The following NOL11 variants were observed in gnomAD, a reference collection of about 807,000 sequenced individuals.
NOL11 encodes the protein nucleolar protein 11.
Under a neutral mutation model 93.0 loss-of-function variants are expected in NOL11, and 42 were observed. The observed-to-expected ratio is 0.45, with a 90% CI of 0.35 to 0.58. The LOEUF is 0.58. Among genes scored for constraint, NOL11 ranks in the 20% least tolerant of loss-of-function variants. The pLI is 0.00. For missense variants in NOL11, 775 were observed against 841.8 expected, an observed-to-expected ratio of 0.92 and a Z score of 0.98; for synonymous variants, 296 against 293.7, an observed-to-expected ratio of 1.01 and a Z score of -0.08.
At chr17:67,742,969 C>T (rs1336166715) in intron 16 of NOL11, among the ~76,000 whole-genome samples, 4 of 152,140 alleles carry the variant, frequency 2.6e-5, no homozygotes, top group Non-Finnish European at 4.4e-5. Flanking sequence ...ACTACTGGCG[C>T]GGTGTCTCAA....
At chr17:67,737,027 C>T in intron 10 of NOL11, 44 bp from the exon 11 acceptor site, 1 of 1,228,394 alleles carries the variant, frequency 8.1e-7, no homozygotes, top group Non-Finnish European at 1.2e-6. Context: ...TGTATTGGAT[C>T]TCTTATATTG....
At chr17:67,735,021 T>C (rs2055188487) in intron 8 of NOL11, among the ~76,000 whole-genome samples, 1 of 152,212 alleles carries the variant, frequency 6.6e-6, no homozygotes, top group African/African-American at 2.4e-5. Context: ...TTTTGAACTA[T>C]ACCCTCAAGC....
At chr17:67,736,991 T>A in intron 10 of NOL11, 80 bp from the exon 11 acceptor site, 1 of 946,492 alleles carries the variant, frequency 1.1e-6, no homozygotes, top group East Asian at 2.4e-5. Flanking sequence ...CTAATCTCTT[T>A]GGAGTGTTTC....
At chr17:67,732,491 C>CAA (rs201009697) in intron 7 of NOL11, among the ~76,000 whole-genome samples, 20 of 71,492 alleles carry the variant, frequency 2.8e-4, no homozygotes, top group South Asian at 1.9e-3. Context: ...GACTCCGTCT[C>CAA]AAAAAAAAAA....
In NOL11 at chr17:67,744,133, A is replaced by T. The variant is rs2055280438; in HGVS notation, c.*274A>T. ...TTTAAGTAAAATTATTTGTGTATTG[A>T]TAAAAGTCTAATTTCTTATCATGTG... On this transcript the variant is annotated 3_prime_UTR_variant, in exon 18 of 18. Coordinates refer to ENST00000253247, the MANE Select transcript of NOL11 (RefSeq NM_015462.5). 5.4e-6 allele frequency: 1 copy of T among 183,670 alleles called. No individual in the cohort carries two copies. Among genetic ancestry groups the T allele is most frequent in the Non-Finnish European group, 1.1e-5 (1 of 89,278 alleles). 11.4% of individuals were successfully genotyped at this position (183,670 alleles called of 1,614,324 possible).
intron 14 of NOL11, 49 bp downstream of exon 14, chr17:67,738,404 T>G (rs776505754): frequency 1.7e-6 from 2 of 1,183,282 alleles, no homozygotes; most frequent in Non-Finnish European, 2.4e-6. Flanking sequence ...TAGGATATAG[T>G]TATATGCCAA....
chr17:67,720,925 C>A lies in NOL11; in HGVS notation c.313-453C>A, dbSNP rs557403751. On this transcript the variant is annotated intron_variant, in intron 3 of 17. Coordinates refer to ENST00000253247, the MANE Select transcript of NOL11 (RefSeq NM_015462.5). ...TTTACCTTGAAATTCATAACACAATCCTGAATTTTAAACAGTGGGGGTTTT... is the reference window on the plus strand; with the variant it reads ...TTTACCTTGAAATTCATAACACAATACTGAATTTTAAACAGTGGGGGTTTT... Among the ~76,000 whole-genome samples the A allele has an allele frequency of 3.9e-5, 6 of 152,306 alleles. No individual in the cohort carries two copies. The East Asian group carries it at 1.2e-3, about 29-fold the overall frequency.
intron 10 of NOL11, 107 bp from the exon 11 acceptor site, chr17:67,736,964 A>G: frequency 1.2e-6 from 1 of 806,684 alleles, no homozygotes; most frequent in Admixed American, 2.5e-5. Flanking sequence ...AAAGTTTTTG[A>G]TGAGAGCAAA....
chr17:67,743,508 T>C lies in NOL11; in HGVS notation c.1965T>C (p.Asp655=), dbSNP rs1188030497. 6.3e-7 allele frequency: 1 copy of C among 1,583,998 alleles called. No individual in the cohort carries two copies. Among genetic ancestry groups the C allele is most frequent in the Non-Finnish European group, 8.7e-7 (1 of 1,155,800 alleles). The change falls in exon 17 of 18, where the codon GAT becomes GAC. Residue 655 remains aspartate, a synonymous_variant. Coordinates refer to ENST00000253247, the MANE Select transcript of NOL11 (RefSeq NM_015462.5). ...QIMDWICLLL[D]ANFTVVVMMP... ...TGGATTGGATATGTCTACTTCTGGA[T>C]GCAAATTTTACTGTTGTTGTAATGA...
chr17:67,743,776 G>T lies in NOL11; in HGVS notation c.2077G>T (p.Val693Leu). ...SVYSELNKIE[V>L]SFRELQKLNQ... The stretch of plus-strand genomic sequence containing the variant: ...TTATTCTGAGCTCAACAAGATTGAA[G>T]TAAGTTTTCGGGAGCTACAGAAATT... Residue 693 changes from valine to leucine, a missense_variant, in exon 18 of 18, where the codon GTA becomes TTA. This residue lies in a region of NOL11 where 416 missense variants were observed against 525.2 expected (regional missense o/e 0.79). Coordinates refer to ENST00000253247, the MANE Select transcript of NOL11 (RefSeq NM_015462.5). The T allele has an allele frequency of 6.5e-7, 1 of 1,544,630 alleles. No homozygotes were observed. The highest frequency in any genetic ancestry group is 8.7e-7 in the Non-Finnish European group (1 of 1,151,004).
At chr17:67,742,144 G>C (rs2055262339) in intron 16 of NOL11, among the ~76,000 whole-genome samples, 1 of 152,188 alleles carries the variant, frequency 6.6e-6, no homozygotes, top group Non-Finnish European at 1.5e-5. Flanking sequence ...CAAAATGCCA[G>C]ACTTTCTGAA....
chr17:67,738,614 C>G, intron 14 of NOL11: 1 of 474,980 alleles, frequency 2.1e-6, no homozygotes, highest in Non-Finnish European at 3.7e-6. Flanking sequence ...GGAGGATTGT[C>G]TGAGCCCAGG....
In NOL11 at chr17:67,739,497, C is replaced by T; in HGVS notation, c.1843-19C>T. 1.4e-6 allele frequency: 2 copies of T among 1,438,140 alleles called. No homozygotes were observed. The highest frequency in any genetic ancestry group is 2.9e-5 in the African/African-American group (2 of 69,260). The allele number at this position is 1,438,140 out of a possible 1,614,324, so 89.1% of individuals were successfully genotyped here. A position where few individuals can be genotyped will look rare whatever the true frequency, so the allele number is the denominator to read the frequency against. Reference sequence around the variant, plus strand: ...TTTTCTATCAAAATGATAAACTATCCATTTTTTTTCCCACCCAGCTGTTTC... The same window carrying T: ...TTTTCTATCAAAATGATAAACTATCTATTTTTTTTCCCACCCAGCTGTTTC... On this transcript the variant is annotated intron_variant, in intron 15 of 17. Coordinates refer to ENST00000253247, the MANE Select transcript of NOL11 (RefSeq NM_015462.5).
intron 7 of NOL11, among the ~76,000 whole-genome samples, chr17:67,729,740 G>C (rs2055134352): frequency 6.6e-6 from 1 of 151,226 alleles, no homozygotes; most frequent in Non-Finnish European, 1.5e-5. Flanking sequence ...CACCACGCCT[G>C]GCTGATTTTT....
chr17:67,738,244 A>G lies in NOL11; in HGVS notation c.1652A>G (p.Asn551Ser), dbSNP rs144354389. The change falls in exon 14 of 18, where the codon AAT becomes AGT. Residue 551 changes from asparagine (N) to serine (S), a missense_variant. Transcript: ENST00000253247. ...EQTEILQNGF[N>S]PEEDKCNNCD... ...ACTGAAATTCTTCAAAATGGCTTCA[A>G]TCCTGAAGAAGATAAATGCAATAAC... is the stretch of plus-strand genomic sequence containing the variant. The G allele has an allele frequency of 4.3e-5, 70 of 1,613,738 alleles. No homozygotes were observed. The highest frequency in any genetic ancestry group is 5.7e-5 in the Non-Finnish European group (67 of 1,179,706).
intron 16 of NOL11, among the ~76,000 whole-genome samples, chr17:67,741,692 C>G (rs943711024): frequency 1.3e-5 from 2 of 152,082 alleles, no homozygotes; most frequent in African/African-American, 4.8e-5. Flanking sequence ...CTGCCTCAGC[C>G]TCCTGAGTAG....
At chr17:67,721,809 C>T (rs1003237791) in intron 4 of NOL11, among the ~76,000 whole-genome samples, 3 of 152,132 alleles carry the variant, frequency 2.0e-5, no homozygotes, top group African/African-American at 7.2e-5. Context: ...TCATATTGCC[C>T]TGACTACCAA....
At chr17:67,719,624 A>G in intron 1 of NOL11, 50 bp from the exon 2 acceptor site, 1 of 949,340 alleles carries the variant, frequency 1.1e-6, no homozygotes, top group Non-Finnish European at 1.6e-6. Flanking sequence ...AATTGCTTTT[A>G]ATGTTTGAAG....
intron 6 of NOL11, among the ~76,000 whole-genome samples, chr17:67,725,614 T>A (rs1193669852): frequency 6.6e-6 from 1 of 152,242 alleles, no homozygotes; most frequent in Non-Finnish European, 1.5e-5. Flanking sequence ...TCTTGGGGGC[T>A]ATTGGAATGT....
Sources: gnomAD v4.1 joint callset for allele counts (sites outside exome capture counted in the v4.1 genomes callset) on GRCh38, gnomAD v4.1.1 for gene constraint, gnomAD v4.1.1 regional missense constraint, MANE v1.5 for transcripts, NCBI Gene and HGNC (gene_info 2026-07-23, HGNC 2026-07-21) for gene names.